Variants in EHHADH observed in about 807,000 individuals in gnomAD.
EHHADH encodes the protein enoyl-CoA hydratase and 3-hydroxyacyl CoA dehydrogenase.
EHHADH carries 48 observed loss-of-function variants against 64.4 expected under a neutral mutation model. The ratio of observed to expected loss-of-function variants is 0.75; its 90% CI spans 0.59 to 0.95. The LOEUF (loss-of-function observed/expected upper bound fraction) is 0.95, where lower values mean the gene tolerates loss of function less well. EHHADH is among the 40% of genes least tolerant of loss of function. The pLI is 0.00. For missense variants in EHHADH, 854 were observed against 876.6 expected (o/e 0.97, Z 0.33); for synonymous variants, 308 against 326.7 (o/e 0.94, Z 0.62).
intron 1 of EHHADH, among the ~76,000 whole-genome samples, chr3:185,252,907 T>C (rs1168632513): frequency 6.6e-6 from 1 of 152,150 alleles, no homozygotes; most frequent in East Asian, 1.9e-4. Context: ...GGATAGGTAA[T>C]TCTTTTTCAA....
At chr3:185,252,377 C>T (rs1169586349) in intron 1 of EHHADH, among the ~76,000 whole-genome samples, 3 of 148,356 alleles carry the variant, frequency 2.0e-5, no homozygotes, top group African/African-American at 5.0e-5. Context: ...TCCAGCCTGG[C>T]GACAGAGCAA....
rs761258260 is a variant in EHHADH, at chr3:185,204,547, A to G, written c.779T>C (p.Leu260Ser). ...CAGGGCTCTAGCCTGCCCTGATTGCAAAAGATATAGAAACAGCTCCTCCTC... is the reference window on the plus strand; with the variant it reads ...CAGGGCTCTAGCCTGCCCTGATTGCGAAAGATATAGAAACAGCTCCTCCTC... ...KKEEELFLYLLQSGQARALQY... is the reference protein window; with the variant it reads ...KKEEELFLYLSQSGQARALQY... Residue 260 changes from leucine to serine, a missense_variant, in exon 6 of 7, where the codon TTG becomes TCG. By Grantham distance (145) the Leu-to-Ser change is moderately radical. Transcript: ENST00000231887. 3.7e-6 allele frequency: 6 copies of G among 1,614,218 alleles called. No individual in the cohort carries two copies. The highest frequency in any genetic ancestry group is 1.7e-5 in the Admixed American group (1 of 60,034).
intron 6 of EHHADH, among the ~76,000 whole-genome samples, chr3:185,195,914 CCT>C (rs1251125456): frequency 6.6e-6 from 1 of 152,058 alleles, no homozygotes; most frequent in African/African-American, 2.4e-5. Context: ...ACACGTACCC[CCT>C]GAATCTAAAA....
chr3:185,193,785 TAAAC>T (rs1414528125), intron 6 of EHHADH, among the ~76,000 whole-genome samples: 3 of 151,984 alleles, frequency 2.0e-5, no homozygotes, highest in African/African-American at 7.2e-5. Flanking sequence ...ATATTAGAAA[TAAAC>T]AATCTGAATA....
intron 5 of EHHADH, among the ~76,000 whole-genome samples, chr3:185,212,990 TG>T (rs1168255387): frequency 2.6e-5 from 4 of 151,466 alleles, no homozygotes; most frequent in Admixed American, 1.3e-4. Context: ...TGTGCTGCCT[TG>T]TGCCTGTAAT....
intron 2 of EHHADH, chr3:185,245,482 T>G: frequency 9.6e-7 from 1 of 1,037,658 alleles, no homozygotes; most frequent in Non-Finnish European, 1.4e-6. Context: ...GGCACAGGGC[T>G]GTGCTCGCTT....
At chr3:185,225,137 A>C (rs910285885) in intron 4 of EHHADH, among the ~76,000 whole-genome samples, 10 of 152,198 alleles carry the variant, frequency 6.6e-5, no homozygotes, top group Non-Finnish European at 1.2e-4. Context: ...AGAGGAGTTC[A>C]GAAGACCTCT....
In EHHADH at chr3:185,192,523, A is replaced by T. The variant is rs756949482; in HGVS notation, c.1875T>A (p.Tyr625Ter). 6.2e-7 allele frequency: 1 copy of T among 1,614,126 alleles called. No individual in the cohort carries two copies. The highest frequency in any genetic ancestry group is 1.3e-5 in the African/African-American group (1 of 74,944). The change falls in exon 7 of 7, where the codon TAT becomes TAA. Residue 625 changes from tyrosine (Y) to a stop codon, truncating the protein, a stop_gained. Transcript: ENST00000231887. LOFTEE classifies it high-confidence loss of function. ...TACGGAATGCTTCATTGATAAGTGA[A>T]TATAAGCAGCGTTCAAGGATCTCAT... ...SQDEILERCL[Y>*]SLINEAFRIL...
intron 6 of EHHADH, among the ~76,000 whole-genome samples, chr3:185,202,334 A>C (rs867844183): frequency 1.5e-5 from 1 of 67,704 alleles, no homozygotes; most frequent in Non-Finnish European, 3.1e-5. Flanking sequence ...GCGAAACTCC[A>C]TATCAAAAAA....
chr3:185,250,840 C>T (rs1448222997), intron 1 of EHHADH, among the ~76,000 whole-genome samples: 1 of 152,136 alleles, frequency 6.6e-6, no homozygotes. Context: ...TATATAACAT[C>T]AAAAAGTCCA....
At chr3:185,225,584 T>C (rs771167238) in intron 4 of EHHADH, among the ~76,000 whole-genome samples, 1 of 152,132 alleles carries the variant, frequency 6.6e-6, no homozygotes, top group African/African-American at 2.4e-5. Flanking sequence ...AAAACCTAAG[T>C]GAGAGCATGT....
intron 4 of EHHADH, among the ~76,000 whole-genome samples, chr3:185,225,948 T>C (rs1312121562): frequency 6.6e-6 from 1 of 152,210 alleles, no homozygotes; most frequent in East Asian, 1.9e-4. Flanking sequence ...ATTCCTAACA[T>C]TTTATATCTC....
Position 185,192,337 on chromosome 3 carries a change from A to G in EHHADH, c.2061T>C (p.Pro687=), listed in dbSNP as rs202137587. Residue 687 remains proline, a synonymous_variant, in exon 7 of 7, where the codon CCT becomes CCC. Coordinates refer to ENST00000231887, the MANE Select transcript of EHHADH (RefSeq NM_001966.4). ...CACTTGGCTCCAGTTGGGGAATATC[A>G]GGGTTCTGCCTGTAATATTTCTGCA... The part of the protein sequence containing the change: ...EKLQKYYRQN[P]DIPQLEPSDY... The G allele has an allele frequency of 6.2e-7, 1 of 1,614,170 alleles. No homozygotes were observed. Among genetic ancestry groups the G allele is most frequent in the African/African-American group, 1.3e-5 (1 of 75,050 alleles).
intron 4 of EHHADH, among the ~76,000 whole-genome samples, chr3:185,223,801 T>C (rs1718898419): frequency 6.6e-6 from 1 of 152,188 alleles, no homozygotes; most frequent in Non-Finnish European, 1.5e-5. Flanking sequence ...GAGCTTTCTA[T>C]GCTTTTCTGT....
intron 2 of EHHADH, 162 bp downstream of exon 2, chr3:185,248,252 G>T: frequency 1.6e-6 from 1 of 631,282 alleles, no homozygotes; most frequent in East Asian, 2.6e-5. Flanking sequence ...GGTCTCTCTT[G>T]TAATTCCTGT....
intron 2 of EHHADH, among the ~76,000 whole-genome samples, chr3:185,238,065 T>A (rs1719346670): frequency 6.6e-6 from 1 of 152,204 alleles, no homozygotes; most frequent in South Asian, 2.1e-4. Flanking sequence ...ATTTCTGAGT[T>A]ATTTTACTTA....
At chr3:185,199,214 T>C (rs945602733) in intron 6 of EHHADH, among the ~76,000 whole-genome samples, 1 of 152,172 alleles carries the variant, frequency 6.6e-6, no homozygotes, top group Non-Finnish European at 1.5e-5. Context: ...GGGAGAAATA[T>C]TTTAAGCAAA....
At chr3:185,223,248 A>G (rs1718883929) in intron 4 of EHHADH, among the ~76,000 whole-genome samples, 1 of 152,008 alleles carries the variant, frequency 6.6e-6, no homozygotes, top group Non-Finnish European at 1.5e-5. Flanking sequence ...TTTATCCTCT[A>G]TGTTGTTGAT....
chr3:185,240,131 T>C (rs1719407368), intron 2 of EHHADH, among the ~76,000 whole-genome samples: 1 of 152,088 alleles, frequency 6.6e-6, no homozygotes, highest in African/African-American at 2.4e-5. Context: ...ATTGATGTAA[T>C]ATCTTTTTGA....
Sources: gnomAD v4.1 joint callset for allele counts (sites outside exome capture counted in the v4.1 genomes callset) on GRCh38, gnomAD v4.1.1 for gene constraint, MANE v1.5 for transcripts, NCBI Gene and HGNC (gene_info 2026-07-23, HGNC 2026-07-21) for gene names.